KLHL14: variants seen among roughly 807,000 people sequenced by gnomAD.
KLHL14 encodes kelch-like protein 14.
KLHL14 carries 22 observed loss-of-function variants against 64.3 expected under a neutral mutation model. The observed-to-expected ratio is 0.34, with a 90% CI of 0.24 to 0.49. The LOEUF is 0.49. Ranked by LOEUF, KLHL14 falls within the 20% of genes least tolerant of loss-of-function variation. KLHL14 has a pLI of 0.99. For synonymous variants in KLHL14, 322 were observed against 333.4 expected, an observed-to-expected ratio of 0.97 and a Z score of 0.37; for missense variants, 661 against 789.0, an observed-to-expected ratio of 0.84 and a Z score of 1.94.
chr18:32,753,557 G>A (rs573828261), intron 2 of KLHL14, among the ~76,000 whole-genome samples: 1 of 152,322 alleles, frequency 6.6e-6, no homozygotes, highest in East Asian at 1.9e-4. Context: ...ACTGGCTGGT[G>A]ATGGCAGGGG....
In KLHL14 at chr18:32,680,698, GCATT is replaced by G. The variant is rs547019723; in HGVS notation, c.1239-103_1239-100del. 428 of 1,169,850 alleles carry G rather than the reference GCATT, an allele frequency of 3.7e-4. 7 individuals are homozygous for G. The South Asian group carries it at 6.1e-3, about 17-fold the overall frequency. The allele number at this position is 1,169,850 out of a possible 1,614,324, so 72.5% of individuals were successfully genotyped here. ...CACACAGCTAGTCAGGGAAAGGGGTGCATTCTGCTTCAGAAAGGGTTGCAAATCT... is the reference window on the plus strand; with the variant it reads ...CACACAGCTAGTCAGGGAAAGGGGTGCTGCTTCAGAAAGGGTTGCAAATCT... On this transcript the variant is annotated intron_variant, in intron 5 of 8. Coordinates refer to ENST00000359358, the MANE Select transcript of KLHL14 (RefSeq NM_020805.3). The surrounding 1 kb of genome is among the most constrained non-coding windows in gnomAD (Gnocchi z 4.8).
intron 2 of KLHL14, among the ~76,000 whole-genome samples, chr18:32,753,565 G>A (rs7228673): frequency 0.99 from 151,445 of 152,334 alleles, 75,288 homozygotes; most frequent in Middle Eastern, 1. Context: ...GTGATGGCAG[G>A]GGCAGATATA....
intron 3 of KLHL14, among the ~76,000 whole-genome samples, chr18:32,718,404 A>C (rs1214027640): frequency 6.6e-6 from 1 of 152,166 alleles, no homozygotes; most frequent in Non-Finnish European, 1.5e-5. Context: ...GTTGTTTTCC[A>C]GTTTACAGTG....
At chr18:32,709,210 G>A (rs138390449) in intron 3 of KLHL14, among the ~76,000 whole-genome samples, 1,585 of 152,126 alleles carry the variant, frequency 0.01, 20 homozygotes, top group Admixed American at 0.02. Flanking sequence ...CAACCATACC[G>A]GCTGCTTTGC....
intron 3 of KLHL14, among the ~76,000 whole-genome samples, chr18:32,720,891 C>T (rs150562590): frequency 2.1e-3 from 325 of 152,276 alleles, no homozygotes; most frequent in Non-Finnish European, 3.3e-3. Context: ...ATGCCAGGCC[C>T]ATCAGGCTTC....
At chr18:32,704,438 T>C (rs2049980482) in intron 3 of KLHL14, among the ~76,000 whole-genome samples, 1 of 152,110 alleles carries the variant, frequency 6.6e-6, no homozygotes, top group African/African-American at 2.4e-5. Flanking sequence ...GAATCATATT[T>C]TGGGCCAGGC....
intron 2 of KLHL14, among the ~76,000 whole-genome samples, chr18:32,768,999 A>G (rs1385978432): frequency 1.3e-5 from 2 of 152,216 alleles, no homozygotes; most frequent in Non-Finnish European, 2.9e-5. Flanking sequence ...TTAAAAGTGA[A>G]AAGGAAAGGC....
At chr18:32,771,803 G>T (rs2050387986) in intron 1 of KLHL14, among the ~76,000 whole-genome samples, 1 of 151,828 alleles carries the variant, frequency 6.6e-6, no homozygotes, top group Non-Finnish European at 1.5e-5. Context: ...GAACGAGCGG[G>T]GGGGCGGGGG....
chr18:32,733,440 C>A (rs2050147101), intron 3 of KLHL14, among the ~76,000 whole-genome samples: 1 of 151,426 alleles, frequency 6.6e-6, no homozygotes, highest in South Asian at 2.1e-4. Context: ...AAGGAAAAAG[C>A]AATCTGAGAA....
At chr18:32,698,033 T>A (rs1054086031) in intron 3 of KLHL14, among the ~76,000 whole-genome samples, 8 of 152,236 alleles carry the variant, frequency 5.3e-5, no homozygotes, top group African/African-American at 1.9e-4. Context: ...TTATTCTGAA[T>A]GTAAAACTCT....
At chr18:32,739,126 G>C (rs2050182126) in intron 3 of KLHL14, among the ~76,000 whole-genome samples, 1 of 152,082 alleles carries the variant, frequency 6.6e-6, no homozygotes, top group Admixed American at 6.6e-5. Flanking sequence ...CATGGAGAAA[G>C]TCATTCAATA....
At chr18:32,728,233 C>T (rs1018259808) in intron 3 of KLHL14, among the ~76,000 whole-genome samples, 10 of 152,166 alleles carry the variant, frequency 6.6e-5, no homozygotes, top group African/African-American at 2.4e-4. Flanking sequence ...AACATGCACT[C>T]TGTTGTTAAC....
At chr18:32,704,333 G>T (rs551343633) in intron 3 of KLHL14, among the ~76,000 whole-genome samples, 2 of 152,164 alleles carry the variant, frequency 1.3e-5, no homozygotes, top group South Asian at 4.2e-4. Context: ...TTTATAAGAG[G>T]AGTTTTCTGA....
chr18:32,696,094 T>TA (rs2049935381), intron 3 of KLHL14, among the ~76,000 whole-genome samples: 1 of 152,210 alleles, frequency 6.6e-6, no homozygotes, highest in Non-Finnish European at 1.5e-5. Context: ...TCCTGCTGAT[T>TA]TAATGCCTCC....
intron 2 of KLHL14, among the ~76,000 whole-genome samples, chr18:32,754,624 ACT>A (rs377583840): frequency 6.6e-5 from 10 of 152,246 alleles, no homozygotes; most frequent in East Asian, 3.9e-4. Flanking sequence ...TTCATTCTTT[ACT>A]CTAACTCCAG....
At chr18:32,693,893 T>C (rs1443554201) in intron 4 of KLHL14, among the ~76,000 whole-genome samples, 1 of 152,204 alleles carries the variant, frequency 6.6e-6, no homozygotes, top group African/African-American at 2.4e-5. Flanking sequence ...CTTTCAACTC[T>C]CCCGTGTTCC....
At chr18:32,755,837 T>C (rs571784798) in intron 2 of KLHL14, among the ~76,000 whole-genome samples, 8 of 152,308 alleles carry the variant, frequency 5.3e-5, no homozygotes, top group Non-Finnish European at 7.4e-5. Context: ...CTAGGCAAGA[T>C]CTTCTGGAAT....
At chr18:32,688,285 G>C (rs550081464) in intron 4 of KLHL14, among the ~76,000 whole-genome samples, 1 of 152,178 alleles carries the variant, frequency 6.6e-6, no homozygotes, top group South Asian at 2.1e-4. Flanking sequence ...GGGTGTGTGT[G>C]CATGTGCTCA....
intron 3 of KLHL14, among the ~76,000 whole-genome samples, chr18:32,702,086 G>T (rs1304739871): frequency 6.6e-6 from 1 of 151,982 alleles, no homozygotes; most frequent in Non-Finnish European, 1.5e-5. Flanking sequence ...TTTTTGTTGG[G>T]TTTGAGTTTT....
Sources: gnomAD v4.1 joint callset for allele counts (sites outside exome capture counted in the v4.1 genomes callset) on GRCh38, gnomAD v4.1.1 for gene constraint, Gnocchi (gnomAD v3.1) non-coding constraint, MANE v1.5 for transcripts, NCBI Gene and HGNC (gene_info 2026-07-23, HGNC 2026-07-21) for gene names.